The following GALNT14 variants were observed in gnomAD, a reference collection of about 807,000 sequenced individuals.
The protein encoded by GALNT14 is UDP-GalNAc:polypeptide N-acetylgalactosaminyltransferase 14.
A neutral mutation model predicts 77.5 loss-of-function variants in GALNT14; 60 were observed. The observed-to-expected ratio is 0.77, with a 90% confidence interval of 0.63 to 0.96. The LOEUF (loss-of-function observed/expected upper bound fraction) is 0.96. GALNT14 is among the 40% of genes least tolerant of loss of function. The pLI is 0.00. For synonymous variants in GALNT14, 280 were observed against 281.7 expected (o/e 0.99, Z 0.06); for missense variants, 710 against 731.0 (o/e 0.97, Z 0.33).
At chr2:30,996,857 C>T (rs988016762) in intron 1 of GALNT14, among the ~76,000 whole-genome samples, 1 of 152,212 alleles carries the variant, frequency 6.6e-6, no homozygotes. Flanking sequence ...TGCACTGAGA[C>T]CCCCTGAGGG....
intron 1 of GALNT14, among the ~76,000 whole-genome samples, chr2:31,022,662 A>G (rs2194457): frequency 0.49 from 74,784 of 152,088 alleles, 19,031 homozygotes; most frequent in African/African-American, 0.62. Flanking sequence ...GAGCTTCCTA[A>G]GGAACTGGGG....
At chr2:30,969,965 C>T (rs894800268) in intron 2 of GALNT14, among the ~76,000 whole-genome samples, 1 of 152,234 alleles carries the variant, frequency 6.6e-6, no homozygotes, top group Non-Finnish European at 1.5e-5. Flanking sequence ...TCCGACATTA[C>T]TTTCCCAAGC....
intron 1 of GALNT14, chr2:31,125,279 C>T (rs147303513): frequency 3.3e-5 from 49 of 1,489,516 alleles, no homozygotes; most frequent in Non-Finnish European, 4.1e-5. Flanking sequence ...GAAAGAAGAG[C>T]AACATGGTCA....
chr2:30,957,724 AG>A (rs1667452407), intron 4 of GALNT14, among the ~76,000 whole-genome samples: 2 of 152,148 alleles, frequency 1.3e-5, no homozygotes, highest in African/African-American at 4.8e-5. Flanking sequence ...CCACTCTGAT[AG>A]GACCTGGAGC....
chr2:30,944,820 A>G lies in GALNT14; in HGVS notation c.827+38T>C, dbSNP rs369801106. The G allele has an allele frequency of 7.4e-6, 11 of 1,484,144 alleles. No homozygotes were observed. The African/African-American group carries it at 1.4e-4, about 19-fold the overall frequency. 91.9% of individuals were successfully genotyped at this position (1,484,144 alleles called of 1,614,324 possible). ...CTACACTTGACAGGATCCAGTGGTG[A>G]TGGTCTGCCCACCCCTGCACAGACT... On this transcript the variant is annotated intron_variant, in intron 8 of 14. Coordinates refer to ENST00000349752, the MANE Select transcript of GALNT14 (RefSeq NM_024572.4).
intron 1 of GALNT14, among the ~76,000 whole-genome samples, chr2:31,078,123 T>C (rs1457923431): frequency 6.6e-6 from 1 of 152,126 alleles, no homozygotes; most frequent in Non-Finnish European, 1.5e-5. Flanking sequence ...CTGGCTCCAG[T>C]GGAGACAGTG....
chr2:31,081,636 A>G (rs916543315), intron 1 of GALNT14, among the ~76,000 whole-genome samples: 1 of 152,234 alleles, frequency 6.6e-6, no homozygotes, highest in Non-Finnish European at 1.5e-5. Flanking sequence ...GCTTTGGTAA[A>G]TAAAATAACC....
chr2:30,949,439 T>C (rs1666899200), intron 6 of GALNT14, among the ~76,000 whole-genome samples: 2 of 152,120 alleles, frequency 1.3e-5, no homozygotes, highest in Non-Finnish European at 1.5e-5. Flanking sequence ...CAGCAGGATG[T>C]ATCTTTAAAG....
chr2:31,014,556 G>A (rs1401197346), intron 1 of GALNT14, among the ~76,000 whole-genome samples: 2 of 152,064 alleles, frequency 1.3e-5, no homozygotes, highest in Non-Finnish European at 1.5e-5. Flanking sequence ...GCCAGTGGAT[G>A]CCCCCTTCTG....
intron 1 of GALNT14, among the ~76,000 whole-genome samples, chr2:31,065,590 G>A (rs914989178): frequency 2.6e-5 from 4 of 152,290 alleles, no homozygotes; most frequent in East Asian, 1.9e-4. Context: ...GAGGGCCTTG[G>A]AATGGGCAGA....
intron 10 of GALNT14, among the ~76,000 whole-genome samples, chr2:30,931,338 G>A (rs1665713194): frequency 6.6e-6 from 1 of 152,128 alleles, no homozygotes; most frequent in African/African-American, 2.4e-5. Context: ...GATAGAGGGT[G>A]GGGGAAAGAG....
intron 1 of GALNT14, among the ~76,000 whole-genome samples, chr2:31,088,819 T>G (rs114156223): frequency 0.017 from 2,532 of 152,206 alleles, 77 homozygotes; most frequent in African/African-American, 0.056. Context: ...TGAGACAGCT[T>G]TGGCAGGGCG....
chr2:31,047,900 G>A (rs1223936112), intron 1 of GALNT14, among the ~76,000 whole-genome samples: 1 of 152,186 alleles, frequency 6.6e-6, no homozygotes, highest in African/African-American at 2.4e-5. Flanking sequence ...GAGCTGTGGG[G>A]TGGGCACCGA....
chr2:31,136,877 T>C (rs2148656766), intron 1 of GALNT14, among the ~76,000 whole-genome samples: 1 of 152,278 alleles, frequency 6.6e-6, no homozygotes, highest in Non-Finnish European at 1.5e-5. Flanking sequence ...TGGCACACAG[T>C]AGGCCCTCTG....
Position 30,929,425 on chromosome 2 carries a change from C to G in GALNT14, c.1121G>C (p.Arg374Pro), listed in dbSNP as rs747472396. Residue 374 changes from arginine (R) to proline (P), a missense_variant, in exon 11 of 15, where the codon CGG becomes CCG. By Grantham distance (103) the Arg-to-Pro change is moderately radical. Coordinates refer to ENST00000349752, the MANE Select transcript of GALNT14 (RefSeq NM_024572.4). ...GAAGGGCCTCTCCAGGGCGAATGGC[C>G]GGGCAGCGTAATAGTATTGCTTGTA... is the stretch of plus-strand genomic sequence containing the variant. The part of the protein sequence containing the change: ...DEYKQYYYAA[R>P]PFALERPFGN... 1 of 1,614,098 alleles carries G rather than the reference C, an allele frequency of 6.2e-7. No homozygotes were observed. Among genetic ancestry groups the G allele is most frequent in the East Asian group, 2.2e-5 (1 of 44,882 alleles).
chr2:31,037,265 G>A (rs939328017), intron 1 of GALNT14, among the ~76,000 whole-genome samples: 3 of 152,116 alleles, frequency 2.0e-5, no homozygotes, highest in African/African-American at 7.2e-5. Context: ...CTGCTGTTGA[G>A]TCCCTCTAGT....
At chr2:31,026,928 C>T (rs58958623) in intron 1 of GALNT14, among the ~76,000 whole-genome samples, 62,493 of 151,654 alleles carry the variant, frequency 0.41, 12,945 homozygotes, top group East Asian at 0.55. Context: ...CTACACAGCA[C>T]GCATATCTAC....
intron 1 of GALNT14, chr2:31,132,788 A>G (rs1679053660): frequency 2.1e-6 from 1 of 466,956 alleles, no homozygotes; most frequent in Non-Finnish European, 4.4e-6. Flanking sequence ...CCTTTGTAGG[A>G]CTAACGAATT....
chr2:31,037,158 A>G (rs1051413882), intron 1 of GALNT14, among the ~76,000 whole-genome samples: 1 of 152,002 alleles, frequency 6.6e-6, no homozygotes, highest in South Asian at 2.1e-4. Flanking sequence ...TGTTTTGTCC[A>G]TTTATATTCA....
Sources: gnomAD v4.1 joint callset for allele counts (sites outside exome capture counted in the v4.1 genomes callset) on GRCh38, gnomAD v4.1.1 for gene constraint, MANE v1.5 for transcripts, NCBI Gene and HGNC (gene_info 2026-07-23, HGNC 2026-07-21) for gene names.